Variants in PTPRT observed in about 807,000 individuals in gnomAD.
PTPRT encodes the protein protein tyrosine phosphatase receptor type T, also known as receptor-type tyrosine-protein phosphatase T.
A neutral mutation model predicts 176.8 loss-of-function variants in PTPRT; 56 were observed. The ratio of observed to expected loss-of-function variants is 0.32; its 90% CI spans 0.26 to 0.40. The LOEUF (loss-of-function observed/expected upper bound fraction) is 0.40. Ranked by LOEUF, PTPRT falls within the 10% of genes least tolerant of loss-of-function variation. PTPRT has a pLI of 1.00. For missense variants in PTPRT, 1,540 were observed against 1,908.2 expected (o/e 0.81, Z 3.60); for synonymous variants, 783 against 739.0 (o/e 1.06, Z -0.96).
At chr20:42,558,140 C>T (rs1015530925) in intron 7 of PTPRT, among the ~76,000 whole-genome samples, 4 of 152,132 alleles carry the variant, frequency 2.6e-5, no homozygotes, top group Non-Finnish European at 5.9e-5. Flanking sequence ...TCCCTTCTCC[C>T]ACCTTCCACC....
chr20:42,647,744 G>A (rs1467827456), intron 7 of PTPRT, among the ~76,000 whole-genome samples: 2 of 152,174 alleles, frequency 1.3e-5, no homozygotes, highest in East Asian at 3.9e-4. Flanking sequence ...CGCTAACAGG[G>A]ACAGCGTCTG....
At chr20:42,817,682 G>T (rs950202863) in intron 2 of PTPRT, among the ~76,000 whole-genome samples, 4 of 152,158 alleles carry the variant, frequency 2.6e-5, no homozygotes, top group Non-Finnish European at 5.9e-5. Flanking sequence ...AGTATTTTAT[G>T]CTGGAGCCAG....
intron 9 of PTPRT, among the ~76,000 whole-genome samples, chr20:42,401,745 T>C (rs2058910353): frequency 3.3e-5 from 5 of 152,080 alleles, no homozygotes; most frequent in Admixed American, 2.6e-4. Flanking sequence ...AACCAAAGGA[T>C]GTTAAATCCC....
intron 9 of PTPRT, among the ~76,000 whole-genome samples, chr20:42,410,031 G>A (rs1401108885): frequency 6.6e-6 from 1 of 152,074 alleles, no homozygotes; most frequent in Non-Finnish European, 1.5e-5. Flanking sequence ...ATCTCGGTTT[G>A]TTCCAGAAAT....
chr20:42,118,328 G>A lies in PTPRT; in HGVS notation c.2982+75C>T, dbSNP rs1987400786. 8 of 1,336,810 alleles carry A rather than the reference G, an allele frequency of 6.0e-6. No individual in the cohort carries two copies. In the Admixed American group the frequency reaches 6.1e-5, roughly 10 times the overall value. 82.8% of individuals were successfully genotyped at this position (1,336,810 alleles called of 1,614,324 possible). A position where few individuals can be genotyped will look rare whatever the true frequency, so the allele number is the denominator to read the frequency against. On this transcript the variant is annotated intron_variant, in intron 21 of 30. Transcript: ENST00000373187. ...ATACTGACTAGGAGGCACTTAGCAC[G>A]ATGCATGGAACAAAGAGATGTTCGA... is the stretch of plus-strand genomic sequence containing the variant.
At position 42,198,640 on chromosome 20, in the gene PTPRT, C is replaced by T. The variant is rs553338393; in HGVS notation, c.2491+600G>A. ...TCTTAACCACCCAAATCTTGGGATCCTTTATTAACACTGCACAAGGACTCA... is the reference window on the plus strand; with the variant it reads ...TCTTAACCACCCAAATCTTGGGATCTTTTATTAACACTGCACAAGGACTCA... On this transcript the variant is annotated intron_variant, in intron 16 of 30. Coordinates refer to ENST00000373187, the MANE Select transcript of PTPRT (RefSeq NM_007050.6). 2.6e-5 allele frequency among the ~76,000 whole-genome samples: 4 copies of T among 152,294 alleles called. No homozygotes were observed. The East Asian group carries it at 7.7e-4, about 29-fold the overall frequency.
chr20:42,120,031 A>G (rs1174911937), intron 19 of PTPRT, 60 bp from the exon 20 acceptor site: 4 of 1,442,472 alleles, frequency 2.8e-6, no homozygotes, highest in East Asian at 4.8e-5. Flanking sequence ...AAACAGCACA[A>G]TATTAATAAA....
intron 1 of PTPRT, among the ~76,000 whole-genome samples, chr20:43,121,099 TG>T (rs1453880454): frequency 6.6e-6 from 1 of 152,258 alleles, no homozygotes; most frequent in Non-Finnish European, 1.5e-5. Flanking sequence ...TGCTCATTAA[TG>T]GTATCATACG....
chr20:42,919,484 G>A (rs760547063), intron 1 of PTPRT, among the ~76,000 whole-genome samples: 5 of 152,176 alleles, frequency 3.3e-5, no homozygotes, highest in Non-Finnish European at 7.4e-5. Context: ...GCTGGAAAAC[G>A]CTAAGAGCAG....
intron 18 of PTPRT, among the ~76,000 whole-genome samples, chr20:42,129,873 C>T (rs1341149039): frequency 1.3e-5 from 2 of 152,200 alleles, no homozygotes; most frequent in Admixed American, 6.5e-5. Flanking sequence ...ATTCCCTGTT[C>T]CATCCCCTGC....
intron 12 of PTPRT, among the ~76,000 whole-genome samples, chr20:42,287,789 T>C (rs1354623654): frequency 6.6e-6 from 1 of 151,964 alleles, no homozygotes; most frequent in Non-Finnish European, 1.5e-5. Context: ...CTTGATCTGA[T>C]CACTATTCAT....
chr20:42,192,347 C>T (rs1991035777), intron 16 of PTPRT, among the ~76,000 whole-genome samples: 1 of 152,184 alleles, frequency 6.6e-6, no homozygotes, highest in Non-Finnish European at 1.5e-5. Flanking sequence ...GATCCGTCTT[C>T]CCTATTTGAA....
intron 7 of PTPRT, among the ~76,000 whole-genome samples, chr20:42,586,962 G>C (rs2073481335): frequency 6.6e-6 from 1 of 152,128 alleles, no homozygotes; most frequent in Non-Finnish European, 1.5e-5. Context: ...CTGGCTCCCT[G>C]AATGCCCTGA....
chr20:42,952,960 C>T (rs980960038), intron 1 of PTPRT, among the ~76,000 whole-genome samples: 5 of 152,134 alleles, frequency 3.3e-5, no homozygotes, highest in Non-Finnish European at 5.9e-5. Flanking sequence ...ATAAATAGTC[C>T]CTTTGTAGAC....
At chr20:42,298,134 T>C (rs997395415) in intron 12 of PTPRT, among the ~76,000 whole-genome samples, 2 of 152,114 alleles carry the variant, frequency 1.3e-5, no homozygotes, top group African/African-American at 4.8e-5. Context: ...ATCTCTGATA[T>C]ATAAATAACT....
At chr20:43,025,680 T>G (rs1164859933) in intron 1 of PTPRT, among the ~76,000 whole-genome samples, 3 of 152,174 alleles carry the variant, frequency 2.0e-5, no homozygotes, top group Non-Finnish European at 4.4e-5. Context: ...TGAGTTAAAC[T>G]TTGCTTCCCA....
chr20:42,980,472 C>A (rs528101727), intron 1 of PTPRT, among the ~76,000 whole-genome samples: 94 of 152,326 alleles, frequency 6.2e-4, no homozygotes, highest in African/African-American at 2.2e-3. Flanking sequence ...CTACATGCTG[C>A]AGCTGCAATT....
At chr20:43,157,959 G>A (rs1460380797) in intron 1 of PTPRT, among the ~76,000 whole-genome samples, 4 of 152,176 alleles carry the variant, frequency 2.6e-5, no homozygotes, top group Non-Finnish European at 5.9e-5. Flanking sequence ...GGTGAGTTCT[G>A]AGCAGAGGAG....
chr20:42,461,342 A>C (rs2071015981), intron 8 of PTPRT, among the ~76,000 whole-genome samples: 1 of 152,102 alleles, frequency 6.6e-6, no homozygotes, highest in South Asian at 2.1e-4. Flanking sequence ...ATAAATAAAT[A>C]AATAAAATAA....
Sources: gnomAD v4.1 joint callset for allele counts (sites outside exome capture counted in the v4.1 genomes callset) on GRCh38, gnomAD v4.1.1 for gene constraint, MANE v1.5 for transcripts, NCBI Gene and HGNC (gene_info 2026-07-23, HGNC 2026-07-21) for gene names.